TMEM131L: variants seen among roughly 807,000 people sequenced by gnomAD.
TMEM131L encodes transmembrane protein 131-like.
TMEM131L carries 54 observed loss-of-function variants against 192.2 expected under a neutral mutation model. That is an observed-to-expected ratio of 0.28 (90% confidence interval 0.23 to 0.35). The LOEUF is 0.35. Ranked by LOEUF, TMEM131L falls within the 10% of genes least tolerant of loss-of-function variation. The pLI is 1.00. For synonymous variants in TMEM131L, 701 were observed against 704.9 expected, an observed-to-expected ratio of 0.99 and a Z score of 0.09; for missense variants, 1,888 against 1,972.9, an observed-to-expected ratio of 0.96 and a Z score of 0.82.
intron 30 of TMEM131L, among the ~76,000 whole-genome samples, chr4:153,626,540 G>T (rs1733855859): frequency 6.6e-6 from 1 of 152,178 alleles, no homozygotes; most frequent in African/African-American, 2.4e-5. Flanking sequence ...AGGATCTCTT[G>T]AGTCCAGGAG....
intron 31 of TMEM131L, among the ~76,000 whole-genome samples, chr4:153,628,409 G>A (rs1418108624): frequency 6.6e-6 from 1 of 152,106 alleles, no homozygotes; most frequent in Non-Finnish European, 1.5e-5. Flanking sequence ...CTTGCCTAAC[G>A]TGGGTCAGGA....
intron 25 of TMEM131L, 136 bp from the exon 26 acceptor site, chr4:153,612,116 A>G: frequency 1.8e-6 from 1 of 559,242 alleles, no homozygotes; most frequent in Non-Finnish European, 3.0e-6. Context: ...TTTCTAGAGC[A>G]TCATGGATGT....
intron 8 of TMEM131L, 98 bp downstream of exon 8, chr4:153,581,001 C>G: frequency 1.2e-6 from 1 of 840,916 alleles, no homozygotes; most frequent in South Asian, 1.5e-5. Context: ...TGCCTGTAAT[C>G]CCAGCACTTT....
chr4:153,598,799 A>G (rs1731627109), intron 21 of TMEM131L, 67 bp downstream of exon 21: 2 of 1,268,480 alleles, frequency 1.6e-6, no homozygotes, highest in East Asian at 2.8e-5. Flanking sequence ...AAAGGATTCT[A>G]TAAATTCTAA....
At chr4:153,584,978 T>C in intron 12 of TMEM131L, 47 bp downstream of exon 12, 1 of 1,371,188 alleles carries the variant, frequency 7.3e-7, no homozygotes, top group Non-Finnish European at 1.0e-6. Flanking sequence ...TTGTTGTTGT[T>C]GTTTTCCCCT....
rs185980073 is a variant in TMEM131L, at chr4:153,630,194, G to A, written c.4207+2507G>A. ...CCTGGCTTCTGGTAGATTTTCACAT[G>A]CGTACATCATTCCATAAGCAATTCT... is the stretch of plus-strand genomic sequence containing the variant. On this transcript the variant is annotated intron_variant, in intron 31 of 34. Transcript: ENST00000409959. Among the ~76,000 whole-genome samples the A allele has an allele frequency of 1.2e-4, 18 of 152,310 alleles. No individual in the cohort carries two copies. The East Asian group carries it at 3.5e-3, about 29-fold the overall frequency.
At chr4:153,497,669 A>C (rs537829942) in intron 3 of TMEM131L, among the ~76,000 whole-genome samples, 3 of 152,126 alleles carry the variant, frequency 2.0e-5, no homozygotes, top group Non-Finnish European at 2.9e-5. Flanking sequence ...TCACGTATCT[A>C]TTGCTGCTGC....
At position 153,532,839 on chromosome 4, in the gene TMEM131L, G is replaced by T. The variant is rs190634696; in HGVS notation, c.240-17234G>T. Among the ~76,000 whole-genome samples, 1,145 of 152,214 alleles carry T rather than the reference G, an allele frequency of 7.5e-3. 9 individuals carry two copies. The highest frequency in any genetic ancestry group is 0.011 in the Non-Finnish European group (726 of 68,010). ...AGTTGCTGGGTTCATGTACCTACTA[G>T]TTGGAATCTTTTCAGCTTCAAGTGA... is the stretch of plus-strand genomic sequence containing the variant. On this transcript the variant is annotated intron_variant, in intron 3 of 34. Transcript: ENST00000409959.
At chr4:153,486,765 C>T (rs1234423583) in intron 3 of TMEM131L, among the ~76,000 whole-genome samples, 1 of 152,226 alleles carries the variant, frequency 6.6e-6, no homozygotes, top group Non-Finnish European at 1.5e-5. Flanking sequence ...CACCTTGAAC[C>T]ACTCACCCAC....
At chr4:153,475,761 A>C (rs541047983) in intron 3 of TMEM131L, among the ~76,000 whole-genome samples, 1 of 152,220 alleles carries the variant, frequency 6.6e-6, no homozygotes, top group Non-Finnish European at 1.5e-5. Context: ...AACTATTTAC[A>C]TAGCATTCAC....
At chr4:153,496,817 G>T (rs1189431551) in intron 3 of TMEM131L, among the ~76,000 whole-genome samples, 6 of 151,070 alleles carry the variant, frequency 4.0e-5, no homozygotes, top group African/African-American at 1.5e-4. Context: ...CTCCCAAAGT[G>T]CTGGGATTAC....
rs756036939 is a variant in TMEM131L at position 153,623,062 on chromosome 4, G to A, written c.4024G>A (p.Ala1342Thr). ...SDGDKKPMVD[A>T]QHFLPAGDSV... ...CGGGGATAAGAAGCCCATGGTGGAC[G>A]CCCAGCACTTCCTGCCGGCCGGTGA... The change falls in exon 29 of 35, where the codon GCC becomes ACC. Residue 1342 changes from alanine to threonine, a missense_variant. Physicochemically the swap from Ala to Thr is moderately conservative, Grantham distance 58. Coordinates refer to ENST00000409959, the MANE Select transcript of TMEM131L (RefSeq NM_001131007.2). 12 of 1,608,644 alleles carry A rather than the reference G, an allele frequency of 7.5e-6. No individual in the cohort carries two copies. Among genetic ancestry groups the A allele is most frequent in the East Asian group, 2.2e-5 (1 of 44,844 alleles).
At chr4:153,546,107 T>G (rs1363138864) in intron 3 of TMEM131L, among the ~76,000 whole-genome samples, 4 of 152,014 alleles carry the variant, frequency 2.6e-5, no homozygotes, top group African/African-American at 9.7e-5. Context: ...CCCAGGCTGG[T>G]CTCGAACTCC....
chr4:153,606,234 CCT>C lies in TMEM131L; in HGVS notation c.3418+1805_3418+1806del, dbSNP rs368258994. Among the ~76,000 whole-genome samples the C allele has an allele frequency of 3.0e-3, 451 of 152,230 alleles. 2 individuals carry two copies. Among genetic ancestry groups the C allele is most frequent in the African/African-American group, 0.011 (437 of 41,522 alleles). ...GGAGTGAGTCCTGTTGGACATTTCC[CCT>C]GTTACGTGAGTCTTTTAGGCTTGAG... On this transcript the variant is annotated intron_variant, in intron 25 of 34. Coordinates refer to ENST00000409959, the MANE Select transcript of TMEM131L (RefSeq NM_001131007.2).
chr4:153,501,231 A>T (rs1580081865), intron 3 of TMEM131L, among the ~76,000 whole-genome samples: 1 of 123,252 alleles, frequency 8.1e-6, no homozygotes, highest in Non-Finnish European at 1.6e-5. Flanking sequence ...TTTGAGACGG[A>T]GTCTCGCTCT....
intron 3 of TMEM131L, among the ~76,000 whole-genome samples, chr4:153,508,118 G>A (rs1561142167): frequency 6.6e-6 from 1 of 152,162 alleles, no homozygotes; most frequent in Admixed American, 6.5e-5. Context: ...TTAGGACTAA[G>A]GAACTGAATC....
At chr4:153,492,723 A>T (rs1331396950) in intron 3 of TMEM131L, among the ~76,000 whole-genome samples, 1 of 152,202 alleles carries the variant, frequency 6.6e-6, no homozygotes, top group Non-Finnish European at 1.5e-5. Context: ...CTACACTTAA[A>T]GTGTAAGGTG....
chr4:153,603,376 A>G lies in TMEM131L; in HGVS notation c.2713A>G (p.Arg905Gly). The change falls in exon 24 of 35, where the codon AGA becomes GGA. Residue 905 changes from arginine (R) to glycine (G), a missense_variant. By Grantham distance (125) the Arg-to-Gly change is moderately radical (BLOSUM62 -2). Coordinates refer to ENST00000409959, the MANE Select transcript of TMEM131L (RefSeq NM_001131007.2). ...CATTCTCATGGAATTCATGAAAACA[A>G]GACAGAGGCAAAATGCTAGCTCCTC... ...QYILMEFMKT[R>G]QRQNASSSSQ... 6.2e-7 allele frequency: 1 copy of G among 1,614,064 alleles called. No homozygotes were observed. The highest frequency in any genetic ancestry group is 1.1e-5 in the South Asian group (1 of 91,082).
At chr4:153,596,895 A>C (rs1190548889) in intron 20 of TMEM131L, among the ~76,000 whole-genome samples, 2 of 152,224 alleles carry the variant, frequency 1.3e-5, no homozygotes, top group Non-Finnish European at 2.9e-5. Context: ...CTGCTGACTG[A>C]TTTAAGCATG....
Sources: gnomAD v4.1 joint callset for allele counts (sites outside exome capture counted in the v4.1 genomes callset) on GRCh38, gnomAD v4.1.1 for gene constraint, MANE v1.5 for transcripts, NCBI Gene and HGNC (gene_info 2026-07-23, HGNC 2026-07-21) for gene names.